The following STRIP2 variants were observed in gnomAD, a reference collection of about 807,000 sequenced individuals.
STRIP2 encodes the protein striatin interacting protein 2.
STRIP2 carries 84 observed loss-of-function variants against 107.1 expected under a neutral mutation model. That is an observed-to-expected ratio of 0.78 (90% CI 0.66 to 0.94). The LOEUF (loss-of-function observed/expected upper bound fraction) is 0.94, where lower values mean the gene tolerates loss of function less well. Ranked by LOEUF, STRIP2 falls within the 40% of genes least tolerant of loss-of-function variation. The probability of loss-of-function intolerance (pLI) is 0.00; values close to 1 mark genes in which losing one functional copy is unlikely to be tolerated. For synonymous variants in STRIP2, 394 were observed against 400.4 expected (o/e 0.98, Z 0.19); for missense variants, 888 against 1,034.2 (o/e 0.86, Z 1.94).
chr7:129,483,614 T>C lies in STRIP2; in HGVS notation c.2254+568T>C, dbSNP rs1799180351. ...GTCAGTACATTTTCATTTCATCTAA[T>C]AAAGTTCATATTCACAATTTTCGAG... On this transcript the variant is annotated intron_variant, in intron 20 of 20. Transcript: ENST00000249344. The surrounding 1 kb of genome is among the most constrained non-coding windows in gnomAD (Gnocchi z 5.1). 1 of 152,878 alleles carries C rather than the reference T, an allele frequency of 6.5e-6. No homozygotes were observed. 9.5% of individuals were successfully genotyped at this position (152,878 alleles called of 1,614,324 possible).
Position 129,453,294 on chromosome 7 carries a change from G to A in STRIP2, c.477G>A (p.Leu159=). The A allele has an allele frequency of 6.2e-7, 1 of 1,614,172 alleles. No individual in the cohort carries two copies. Among genetic ancestry groups the A allele is most frequent in the Admixed American group, 1.7e-5 (1 of 60,026 alleles). The part of the protein sequence containing the change: ...LHWSRYNCFL[L]YQMGTFSTFL... The stretch of plus-strand genomic sequence containing the variant: ...GGTCCAGGTACAACTGCTTCCTGCT[G>A]TATCAGATGGGGACCTTCTCCACCT... Residue 159 remains leucine (L), a synonymous_variant, in exon 5 of 21, where the codon CTG becomes CTA. Transcript: ENST00000249344.
At chr7:129,455,152 C>A in intron 7 of STRIP2, 92 bp from the exon 8 acceptor site, 1 of 1,457,972 alleles carries the variant, frequency 6.9e-7, no homozygotes, top group Non-Finnish European at 9.2e-7. Context: ...GAGGTGAGTG[C>A]CTTCCTGTGT....
intron 3 of STRIP2, among the ~76,000 whole-genome samples, chr7:129,450,866 TAA>T (rs1453479150): frequency 6.8e-6 from 1 of 147,442 alleles, no homozygotes; most frequent in African/African-American, 2.5e-5. Flanking sequence ...AGAAAAGTTT[TAA>T]AAGTGTTATG....
At position 129,485,840 on chromosome 7, in the gene STRIP2, G is replaced by T; in HGVS notation, c.*11G>T. On this transcript the variant is annotated 3_prime_UTR_variant, in exon 21 of 21. Coordinates refer to ENST00000249344, the MANE Select transcript of STRIP2 (RefSeq NM_020704.3). ...CTCCAGAATCACTGACTAAGTTCTT[G>T]TCAACAAGCATCAATAGATAGAGGT... The T allele has an allele frequency of 6.2e-7, 1 of 1,613,410 alleles. No individual in the cohort carries two copies. The highest frequency in any genetic ancestry group is 1.1e-5 in the South Asian group (1 of 91,038).
Position 129,462,996 on chromosome 7 carries a change from G to A in STRIP2, c.1507G>A (p.Glu503Lys), listed in dbSNP as rs2151006307. Reference protein sequence around the residue: ...GEEVVPETPCEILYQGMLYSL... With the variant: ...GEEVVPETPCKILYQGMLYSL... Reference sequence around the variant, plus strand: ...AGAGGTGGTACCAGAGACGCCATGTGAAATCCTCTACCAGGGAATGCTGTA... The same window carrying A: ...AGAGGTGGTACCAGAGACGCCATGTAAAATCCTCTACCAGGGAATGCTGTA... The change falls in exon 14 of 21, where the codon GAA (glutamate) becomes AAA (lysine). Residue 503 changes from glutamate to lysine, a missense_variant. Glu to Lys is a moderately conservative substitution (Grantham distance 56, BLOSUM62 1). Coordinates refer to ENST00000249344, the MANE Select transcript of STRIP2 (RefSeq NM_020704.3). The A allele has an allele frequency of 1.9e-6, 3 of 1,614,128 alleles. No homozygotes were observed. The highest frequency in any genetic ancestry group is 2.5e-6 in the Non-Finnish European group (3 of 1,179,972).
chr7:129,482,333 TTCTC>T (rs61017071), intron 19 of STRIP2, among the ~76,000 whole-genome samples: 1,624 of 87,656 alleles, frequency 0.019, 21 homozygotes, highest in East Asian at 0.037. Context: ...AATGGAATAG[TTCTC>T]TCTCTCTCTC....
At chr7:129,465,395 G>A (rs544882532) in intron 16 of STRIP2, among the ~76,000 whole-genome samples, 3 of 152,164 alleles carry the variant, frequency 2.0e-5, no homozygotes, top group Non-Finnish European at 4.4e-5. Flanking sequence ...AAGTCCAGAG[G>A]GGGAAGAGAG....
intron 7 of STRIP2, among the ~76,000 whole-genome samples, chr7:129,454,976 T>C (rs891312833): frequency 8.5e-5 from 13 of 152,328 alleles, no homozygotes; most frequent in African/African-American, 3.1e-4. Context: ...GAAAGCAATG[T>C]CTTCATTATT....
rs753321622 is a variant in STRIP2 at position 129,460,349 on chromosome 7, C to T, written c.1453C>T (p.Leu485=). The T allele has an allele frequency of 3.7e-6, 6 of 1,613,914 alleles. No individual in the cohort carries two copies. The Admixed American group carries it at 1.0e-4, about 27-fold the overall frequency. Residue 485 remains leucine, a synonymous_variant, in exon 13 of 21, where the codon CTG becomes TTG. Transcript: ENST00000249344. ...TGTGCAGATCAAGAATGAAGAGGAG[C>T]TGGAGAAGTGCCCTATGTCTTTGGT... The part of the protein sequence containing the change: ...ADVQIKNEEE[L]EKCPMSLGEE...
chr7:129,456,331 G>A, intron 8 of STRIP2, 108 bp from the exon 9 acceptor site: 2 of 910,652 alleles, frequency 2.2e-6, no homozygotes, highest in Non-Finnish European at 1.7e-6. Context: ...AAGGTCTGAA[G>A]GGACTGGAGG....
chr7:129,446,967 C>T (rs1798054296), intron 3 of STRIP2, among the ~76,000 whole-genome samples: 1 of 152,176 alleles, frequency 6.6e-6, no homozygotes, highest in East Asian at 1.9e-4. Context: ...AGGCCAAGAG[C>T]TGTCTCTCAA....
At chr7:129,481,985 T>C (rs928767041) in intron 19 of STRIP2, among the ~76,000 whole-genome samples, 1 of 151,710 alleles carries the variant, frequency 6.6e-6, no homozygotes, top group African/African-American at 2.4e-5. Context: ...CTGACCAACA[T>C]GATGAAACCC....
intron 1 of STRIP2, among the ~76,000 whole-genome samples, chr7:129,438,966 C>A (rs764410279): frequency 3.9e-5 from 6 of 152,132 alleles, no homozygotes; most frequent in Non-Finnish European, 8.8e-5. Context: ...CTGTTTGTTC[C>A]CCAACCCAAA....
rs538515619 is a variant in STRIP2 at position 129,474,148 on chromosome 7, AT to A, written c.1944+3445del. On this transcript the variant is annotated intron_variant, in intron 18 of 20. Transcript: ENST00000249344. ...AAACATCCTTGCATGCAAATCTTTT[AT>A]TTTTTTTTTTTGAGACAGGGTCTCG... is the stretch of plus-strand genomic sequence containing the variant. Among the ~76,000 whole-genome samples, 1,397 of 144,678 alleles carry A rather than the reference AT, an allele frequency of 9.7e-3. 10 individuals carry two copies. Among genetic ancestry groups the A allele is most frequent in the Admixed American group, 0.021 (311 of 14,582 alleles). 94.9% of individuals were successfully genotyped at this position (144,678 alleles called of 152,430 possible).
Position 129,456,656 on chromosome 7 carries a change from C to T in STRIP2, c.1038+14C>T, listed in dbSNP as rs1562903660. 1.9e-6 allele frequency: 3 copies of T among 1,610,504 alleles called. No individual in the cohort carries two copies. Among genetic ancestry groups the T allele is most frequent in the South Asian group, 1.1e-5 (1 of 90,846 alleles). ...GGCTCTCGAAGGGTATGGACTGAAG[C>T]AGACAATGGTATTGGGACACCGACT... On this transcript the variant is annotated intron_variant, in intron 9 of 20. Coordinates refer to ENST00000249344, the MANE Select transcript of STRIP2 (RefSeq NM_020704.3).
intron 2 of STRIP2, among the ~76,000 whole-genome samples, chr7:129,443,289 C>T (rs1797950268): frequency 6.6e-6 from 1 of 152,160 alleles, no homozygotes; most frequent in African/African-American, 2.4e-5. Context: ...ATTCTCCTGC[C>T]TCAGCCTCTC....
intron 18 of STRIP2, among the ~76,000 whole-genome samples, chr7:129,477,286 A>G (rs1282707344): frequency 6.6e-6 from 1 of 151,784 alleles, no homozygotes; most frequent in Non-Finnish European, 1.5e-5. Context: ...GTACATTCCT[A>G]CAATGTTATT....
intron 9 of STRIP2, among the ~76,000 whole-genome samples, chr7:129,457,176 T>C (rs1798387037): frequency 6.6e-6 from 1 of 152,170 alleles, no homozygotes. Flanking sequence ...CTGAAAAATG[T>C]GTCATTATGC....
chr7:129,458,478 A>G lies in STRIP2; in HGVS notation c.1274+28A>G, dbSNP rs574207267. 1.9e-5 allele frequency: 29 copies of G among 1,505,782 alleles called. No individual in the cohort carries two copies. The Admixed American group carries it at 2.9e-4, about 15-fold the overall frequency. The allele number at this position is 1,505,782 out of a possible 1,614,324, so 93.3% of individuals were successfully genotyped here. A position where few individuals can be genotyped will look rare whatever the true frequency, so the allele number is the denominator to read the frequency against. On this transcript the variant is annotated intron_variant, in intron 10 of 20. Transcript: ENST00000249344. This position sits in a 1 kb window ranked among gnomAD's most constrained non-coding sequence, Gnocchi z 4.6. ...AGGTTTGATAGCATCAGGGACCCCT[A>G]TGCTTCGGGGTTTCAGTCTCCAAAG...
Sources: gnomAD v4.1 joint callset for allele counts (sites outside exome capture counted in the v4.1 genomes callset) on GRCh38, gnomAD v4.1.1 for gene constraint, Gnocchi (gnomAD v3.1) non-coding constraint, MANE v1.5 for transcripts, NCBI Gene and HGNC (gene_info 2026-07-23, HGNC 2026-07-21) for gene names.